Variants in CTNNA3 observed in about 807,000 individuals in gnomAD.
The protein encoded by CTNNA3 is catenin alpha 3.
CTNNA3 carries 76 observed loss-of-function variants against 95.7 expected under a neutral mutation model. That is an observed-to-expected ratio of 0.79 (90% CI 0.66 to 0.96). CTNNA3 has a LOEUF of 0.96. Among genes scored for constraint, CTNNA3 ranks in the 40% least tolerant of loss-of-function variants. The pLI, the probability that CTNNA3 is intolerant of heterozygous loss-of-function variation, is 0.00. For missense variants in CTNNA3, 1,191 were observed against 1,089.8 expected (o/e 1.09, Z -1.31); for synonymous variants, 431 against 374.4 (o/e 1.15, Z -1.74).
intron 1 of CTNNA3, among the ~76,000 whole-genome samples, chr10:67,655,510 G>A (rs893409123): frequency 1.2e-4 from 18 of 152,276 alleles, no homozygotes; most frequent in Admixed American, 6.5e-4. Flanking sequence ...TTGAGGTCGC[G>A]TGCGGTGGCT....
intron 5 of CTNNA3, among the ~76,000 whole-genome samples, chr10:67,327,795 C>A (rs2132572308): frequency 6.6e-6 from 1 of 152,332 alleles, no homozygotes; most frequent in South Asian, 2.1e-4. Context: ...CAAGTGTTCA[C>A]CACAGTGGCA....
At chr10:67,528,462 C>T (rs965426816) in intron 4 of CTNNA3, among the ~76,000 whole-genome samples, 2 of 152,054 alleles carry the variant, frequency 1.3e-5, no homozygotes, top group African/African-American at 4.8e-5. Context: ...CACAGTTCAC[C>T]CTTCATCTCA....
chr10:66,957,403 T>TATATATGCATATATATATATGC lies in CTNNA3; in HGVS notation c.1048-181880_1048-181879insGCATATATATATATGCATATAT, dbSNP rs1554886320. Among the ~76,000 whole-genome samples the TATATATGCATATATATATATGC allele has an allele frequency of 1.8e-3, 62 of 33,826 alleles. 4 individuals are homozygous for TATATATGCATATATATATATGC. The highest frequency in any genetic ancestry group is 2.9e-3 in the Non-Finnish European group (54 of 18,746). The allele number at this position is 33,826 out of a possible 152,430, so 22.2% of individuals were successfully genotyped here. On this transcript the variant is annotated intron_variant, in intron 7 of 17. Coordinates refer to ENST00000433211, the MANE Select transcript of CTNNA3 (RefSeq NM_013266.4). Reference sequence around the variant, plus strand: ...GTGTGTATATATATACATATATATATATATATATATGCATATATATATATG... The same window carrying TATATATGCATATATATATATGC: ...GTGTGTATATATATACATATATATATATATATGCATATATATATATGCATATATATATGCATATATATATATG...
Position 67,587,198 on chromosome 10 carries a change from T to TGTGTGC in CTNNA3, c.292+19658_292+19659insGCACAC, listed in dbSNP as rs1179370184. 6.1e-5 allele frequency among the ~76,000 whole-genome samples: 6 copies of TGTGTGC among 98,608 alleles called. No homozygotes were observed. In the South Asian group the frequency reaches 2.8e-3, roughly 47 times the overall value. 64.7% of individuals were successfully genotyped at this position (98,608 alleles called of 152,430 possible). A position where few individuals can be genotyped will look rare whatever the true frequency, so the allele number is the denominator to read the frequency against. On this transcript the variant is annotated intron_variant, in intron 3 of 17. Transcript: ENST00000433211. ...CACCATGACACCCAGCTAACTTGTG[T>TGTGTGC]GTGTGTGTGTGTGTGTGTGTGTGTG...
intron 13 of CTNNA3, among the ~76,000 whole-genome samples, chr10:66,153,845 G>A (rs559622968): frequency 3.6e-3 from 311 of 85,330 alleles, no homozygotes; most frequent in African/African-American, 0.015. Flanking sequence ...TTAATAATTT[G>A]TTTACACACA....
At chr10:66,958,328 A>C (rs1014111335) in intron 7 of CTNNA3, among the ~76,000 whole-genome samples, 1 of 141,828 alleles carries the variant, frequency 7.1e-6, no homozygotes, top group Non-Finnish European at 1.5e-5. Flanking sequence ...AAAAAAAAAA[A>C]AAAAAATGCC....
chr10:66,000,400 C>CA (rs1191474314), intron 15 of CTNNA3, among the ~76,000 whole-genome samples: 96 of 152,132 alleles, frequency 6.3e-4, no homozygotes, highest in African/African-American at 2.3e-3. Flanking sequence ...GGCTTAAAAA[C>CA]AAAAAATACC....
intron 11 of CTNNA3, among the ~76,000 whole-genome samples, chr10:66,508,091 T>C (rs1840515456): frequency 6.6e-6 from 1 of 152,054 alleles, no homozygotes; most frequent in Admixed American, 6.6e-5. Flanking sequence ...ACTAATAAAA[T>C]TATATTAGTG....
chr10:66,578,588 T>G (rs1843079974), intron 10 of CTNNA3, among the ~76,000 whole-genome samples: 2 of 152,118 alleles, frequency 1.3e-5, no homozygotes, highest in Admixed American at 6.6e-5. Flanking sequence ...GTGGTTTTTG[T>G]TGGTAATTCT....
intron 10 of CTNNA3, among the ~76,000 whole-genome samples, chr10:66,521,626 A>G (rs999654906): frequency 4.6e-5 from 7 of 152,146 alleles, no homozygotes; most frequent in Non-Finnish European, 1.0e-4. Flanking sequence ...AGTTTTGGTT[A>G]ATTTTGTCAA....
chr10:66,689,834 G>A (rs2132532019), intron 9 of CTNNA3, among the ~76,000 whole-genome samples: 1 of 152,288 alleles, frequency 6.6e-6, no homozygotes, highest in African/African-American at 2.4e-5. Flanking sequence ...GGGAAAATGA[G>A]AAGAAAATAA....
At chr10:67,539,440 G>T in intron 4 of CTNNA3, 63 bp downstream of exon 4, 2 of 1,572,772 alleles carry the variant, frequency 1.3e-6, no homozygotes, top group South Asian at 1.1e-5. Context: ...TCGACGCCAG[G>T]TTCAGAGAAT....
intron 13 of CTNNA3, among the ~76,000 whole-genome samples, chr10:66,198,556 A>G (rs1465629954): frequency 6.6e-6 from 1 of 152,178 alleles, no homozygotes; most frequent in Non-Finnish European, 1.5e-5. Context: ...GTGAATAATA[A>G]TAATGATCTC....
intron 15 of CTNNA3, among the ~76,000 whole-genome samples, chr10:66,019,211 TA>T (rs1170946858): frequency 1.3e-5 from 2 of 152,142 alleles, no homozygotes; most frequent in Non-Finnish European, 2.9e-5. Flanking sequence ...GATGAGGTTT[TA>T]CCCACATTCA....
intron 12 of CTNNA3, among the ~76,000 whole-genome samples, chr10:66,371,963 T>A (rs1419478415): frequency 6.6e-6 from 1 of 152,164 alleles, no homozygotes; most frequent in Non-Finnish European, 1.5e-5. Context: ...AGCGAATAAA[T>A]GTACCAGCTG....
chr10:66,965,536 A>G (rs1194300713), intron 7 of CTNNA3, among the ~76,000 whole-genome samples: 3 of 142,708 alleles, frequency 2.1e-5, no homozygotes, highest in African/African-American at 7.8e-5. Context: ...TCCGTCTCAA[A>G]AAAGAAAGAA....
intron 1 of CTNNA3, among the ~76,000 whole-genome samples, chr10:67,711,112 C>T (rs1378291408): frequency 1.3e-5 from 2 of 152,192 alleles, no homozygotes; most frequent in African/African-American, 4.8e-5. Context: ...ATTGTGAGGC[C>T]TCCCAGCCAT....
intron 7 of CTNNA3, among the ~76,000 whole-genome samples, chr10:66,933,109 C>T (rs1847500872): frequency 6.6e-6 from 1 of 152,154 alleles, no homozygotes; most frequent in Admixed American, 6.6e-5. Context: ...TCAAAAAGCC[C>T]TTAGTGAGAT....
chr10:66,611,071 A>C (rs552749348), intron 10 of CTNNA3, among the ~76,000 whole-genome samples: 1 of 152,154 alleles, frequency 6.6e-6, no homozygotes, highest in Non-Finnish European at 1.5e-5. Flanking sequence ...CAAATATTGC[A>C]TGTTCTTATT....
Sources: gnomAD v4.1 joint callset for allele counts (sites outside exome capture counted in the v4.1 genomes callset) on GRCh38, gnomAD v4.1.1 for gene constraint, MANE v1.5 for transcripts, NCBI Gene and HGNC (gene_info 2026-07-23, HGNC 2026-07-21) for gene names.